Variants in TM9SF1 observed in about 807,000 individuals in gnomAD.
The protein encoded by TM9SF1 is transmembrane 9 superfamily member 1.
Under a neutral mutation model 52.4 loss-of-function variants are expected in TM9SF1, and 25 were observed. The ratio of observed to expected loss-of-function variants is 0.48; its 90% CI spans 0.35 to 0.67. The LOEUF is 0.67. Among genes scored for constraint, TM9SF1 ranks in the 30% least tolerant of loss-of-function variants. The pLI, the probability that TM9SF1 is intolerant of heterozygous loss-of-function variation, is 0.01. For missense variants in TM9SF1, 604 were observed against 780.3 expected, an observed-to-expected ratio of 0.77 and a Z score of 2.69; for synonymous variants, 284 against 299.8, an observed-to-expected ratio of 0.95 and a Z score of 0.55.
rs940955752 is a variant in TM9SF1, at chr14:24,189,179, G to A, written c.*236C>T. The A allele has an allele frequency of 4.2e-6, 2 of 478,678 alleles. No homozygotes were observed. Among genetic ancestry groups the A allele is most frequent in the South Asian group, 4.4e-5 (1 of 22,812 alleles). The allele number at this position is 478,678 out of a possible 1,614,324, so 29.7% of individuals were successfully genotyped here. Reference sequence around the variant, plus strand: ...CTTAATAAATTTTATTTTGGTAATTGTAAAAAGAAAAATCAGGACCAAAAC... The same window carrying A: ...CTTAATAAATTTTATTTTGGTAATTATAAAAAGAAAAATCAGGACCAAAAC... On this transcript the variant is annotated 3_prime_UTR_variant, in exon 6 of 6. Transcript: ENST00000261789.
Position 24,190,432 on chromosome 14 carries a change from A to G in TM9SF1, c.1375T>C (p.Trp459Arg). Residue 459 changes from tryptophan to arginine, a missense_variant, in exon 5 of 6, where the codon TGG becomes CGG. Coordinates refer to ENST00000261789, the MANE Select transcript of TM9SF1 (RefSeq NM_006405.7). ...NIAREIPPQP[W>R]YKSTVIHMTV... ...ATGTGGATGACAGTAGACTTGTACC[A>G]GGGCTGGGGTGGAATCTCCCGGGCG... 1.2e-6 allele frequency: 2 copies of G among 1,612,028 alleles called. No homozygotes were observed. Among genetic ancestry groups the G allele is most frequent in the Non-Finnish European group, 1.7e-6 (2 of 1,178,646 alleles).
chr14:24,195,147 C>T (rs2039378835), intron 1 of TM9SF1, 111 bp from the exon 2 acceptor site: 1 of 675,010 alleles, frequency 1.5e-6, no homozygotes, highest in Non-Finnish European at 2.5e-6. Context: ...GGCCCCCTCC[C>T]CGCCTCACCC....
chr14:24,189,251 G>T lies in TM9SF1; in HGVS notation c.*164C>A. ...AAATATATAATCCTTATGTGATAGA[G>T]ATTTATAATTTCCAGGCCCTCTCTG... On this transcript the variant is annotated 3_prime_UTR_variant, in exon 6 of 6. Transcript: ENST00000261789. The T allele has an allele frequency of 1.4e-6, 1 of 714,346 alleles. No individual in the cohort carries two copies. The highest frequency in any genetic ancestry group is 2.3e-6 in the Non-Finnish European group (1 of 434,230). The allele number at this position is 714,346 out of a possible 1,614,324, so 44.3% of individuals were successfully genotyped here.
At position 24,192,098 on chromosome 14, in the gene TM9SF1, C is replaced by A; in HGVS notation, c.1153+73G>T. On this transcript the variant is annotated intron_variant, in intron 4 of 5. Coordinates refer to ENST00000261789, the MANE Select transcript of TM9SF1 (RefSeq NM_006405.7). The surrounding 1 kb of genome is among the most constrained non-coding windows in gnomAD (Gnocchi z 4.0). The stretch of plus-strand genomic sequence containing the variant: ...AAGTGCTAGGATTACAGGTGTGAGC[C>A]ACTGTGACCAGCCACAATGTGTTCT... 4.1e-6 allele frequency: 6 copies of A among 1,477,842 alleles called. No individual in the cohort carries two copies. Among genetic ancestry groups the A allele is most frequent in the Non-Finnish European group, 5.7e-6 (6 of 1,059,894 alleles). The allele number at this position is 1,477,842 out of a possible 1,614,324, so 91.5% of individuals were successfully genotyped here. A position where few individuals can be genotyped will look rare whatever the true frequency, so the allele number is the denominator to read the frequency against.
chr14:24,190,917 A>G (rs2039314784), intron 4 of TM9SF1, among the ~76,000 whole-genome samples: 1 of 124,278 alleles, frequency 8.0e-6, no homozygotes, highest in Non-Finnish European at 1.6e-5. Context: ...GCTGGAGTGC[A>G]GTGGCGCGAT....
chr14:24,190,878 T>TC (rs1235563993), intron 4 of TM9SF1, among the ~76,000 whole-genome samples: 1 of 101,068 alleles, frequency 9.9e-6, no homozygotes, highest in African/African-American at 3.7e-5. Flanking sequence ...TTTTTTTTTT[T>TC]TGAGACAGAG....
At chr14:24,190,003 A>C in intron 5 of TM9SF1, 195 bp from the exon 6 acceptor site, 1 of 1,388,832 alleles carries the variant, frequency 7.2e-7, no homozygotes, top group Non-Finnish European at 9.3e-7. Context: ...CACTTCAAGA[A>C]TATCTTCCCT....
chr14:24,192,377 G>T lies in TM9SF1; in HGVS notation c.968-21C>A. On this transcript the variant is annotated intron_variant, in intron 3 of 5. Transcript: ENST00000261789. This position sits in a 1 kb window ranked among gnomAD's most constrained non-coding sequence, Gnocchi z 4.0. ...AATGCCTGCAGGACGGTAGCGGAAA[G>T]CCCAAGTTAGGCCTCACCTGTGTCT... 1 of 1,605,632 alleles carries T rather than the reference G, an allele frequency of 6.2e-7. No individual in the cohort carries two copies. Among genetic ancestry groups the T allele is most frequent in the Non-Finnish European group, 8.5e-7 (1 of 1,174,324 alleles).
At position 24,192,929 on chromosome 14, in the gene TM9SF1, G is replaced by C; in HGVS notation, c.686C>G (p.Pro229Arg). ...CAACCAATGGATTTCCAGTGTTCGA[G>C]GAAAGAAACCACCATCGTCACCACG... ...RRRGDDGGFFPRTLEIHWLSI... is the reference protein window; with the variant it reads ...RRRGDDGGFFRRTLEIHWLSI... Residue 229 changes from proline to arginine, a missense_variant, in exon 3 of 6, where the codon CCT becomes CGT. By Grantham distance (103) the Pro-to-Arg change is moderately radical. Coordinates refer to ENST00000261789, the MANE Select transcript of TM9SF1 (RefSeq NM_006405.7). The surrounding 1 kb of genome is among the most constrained non-coding windows in gnomAD (Gnocchi z 4.0). 6.2e-7 allele frequency: 1 copy of C among 1,614,122 alleles called. No homozygotes were observed.
intron 1 of TM9SF1, 25 bp from the exon 2 acceptor site, chr14:24,195,061 T>C (rs190726402): frequency 1.1e-5 from 17 of 1,566,946 alleles, no homozygotes; most frequent in African/African-American, 4.1e-5. Flanking sequence ...CCTGAGGTTA[T>C]AGAAACCAGG....
rs753777088 is a variant in TM9SF1, at chr14:24,190,439, G to C, written c.1368C>G (p.Pro456=). 5 of 1,613,174 alleles carry C rather than the reference G, an allele frequency of 3.1e-6. No individual in the cohort carries two copies. The highest frequency in any genetic ancestry group is 4.2e-6 in the Non-Finnish European group (5 of 1,179,394). Residue 456 remains proline (P), a synonymous_variant, in exon 5 of 6, where the codon CCC becomes CCG. Coordinates refer to ENST00000261789, the MANE Select transcript of TM9SF1 (RefSeq NM_006405.7). Reference sequence around the variant, plus strand: ...TGACAGTAGACTTGTACCAGGGCTGGGGTGGAATCTCCCGGGCGATGTTCT... The same window carrying C: ...TGACAGTAGACTTGTACCAGGGCTGCGGTGGAATCTCCCGGGCGATGTTCT... ...RTKNIAREIP[P]QPWYKSTVIH... is the part of the protein sequence containing the mutation.
intron 4 of TM9SF1, 112 bp from the exon 5 acceptor site, chr14:24,190,765 A>G: frequency 2.2e-6 from 2 of 907,040 alleles, no homozygotes; most frequent in Non-Finnish European, 3.3e-6. Context: ...CTGCCACTCT[A>G]ACGGCAGACT....
rs1159443340 is a variant in TM9SF1 at position 24,192,697 on chromosome 14, C to T, written c.918G>A (p.Leu306=). The change falls in exon 3 of 6, where the codon CTG becomes CTA. Residue 306 remains leucine, a synonymous_variant. Transcript: ENST00000261789. This position sits in a 1 kb window ranked among gnomAD's most constrained non-coding sequence, Gnocchi z 4.0. ...CACCCACGCCAAGCACAGCACAGAG[C>T]AGACCACGGTATGGGGGGAAGCGGA... ...DVFRFPPYRG[L]LCAVLGVGAQ... is the part of the protein sequence containing the mutation. The T allele has an allele frequency of 1.9e-6, 3 of 1,607,478 alleles. No individual in the cohort carries two copies. Among genetic ancestry groups the T allele is most frequent in the South Asian group, 1.1e-5 (1 of 89,668 alleles).
chr14:24,192,658 G>A lies in TM9SF1; in HGVS notation c.957C>T (p.Ala319=). The A allele has an allele frequency of 6.4e-7, 1 of 1,568,884 alleles. No individual in the cohort carries two copies. Among genetic ancestry groups the A allele is most frequent in the Non-Finnish European group, 8.6e-7 (1 of 1,157,086 alleles). Residue 319 remains alanine (A), a synonymous_variant, in exon 3 of 6, where the codon GCC becomes GCT. Coordinates refer to ENST00000261789, the MANE Select transcript of TM9SF1 (RefSeq NM_006405.7). This position sits in a 1 kb window ranked among gnomAD's most constrained non-coding sequence, Gnocchi z 4.0. ...TTTTTATCACCTCACCAGTGCCAAG[G>A]GCCAGGAACTGGGCACCCACGCCAA... ...AVLGVGAQFL[A]LGTGIIVMAL...
In TM9SF1 at chr14:24,190,459, T is replaced by G. The variant is rs201641520; in HGVS notation, c.1348A>C (p.Ile450Leu). 2.5e-6 allele frequency: 4 copies of G among 1,614,004 alleles called. No individual in the cohort carries two copies. Among genetic ancestry groups the G allele is most frequent in the Non-Finnish European group, 2.5e-6 (3 of 1,179,928 alleles). The change falls in exon 5 of 6, where the codon ATC (isoleucine) becomes CTC (leucine). Residue 450 changes from isoleucine (I) to leucine (L), a missense_variant. Ile to Leu is a conservative substitution (Grantham distance 5). Transcript: ENST00000261789. Reference sequence around the variant, plus strand: ...GGCTGGGGTGGAATCTCCCGGGCGATGTTCTTGGTGCGACAGGGTGCATCA... The same window carrying G: ...GGCTGGGGTGGAATCTCCCGGGCGAGGTTCTTGGTGCGACAGGGTGCATCA... ...PFDAPCRTKNIAREIPPQPWY... is the reference protein window; with the variant it reads ...PFDAPCRTKNLAREIPPQPWY...
chr14:24,193,344 C>T (rs1226693578), intron 2 of TM9SF1, 75 bp from the exon 3 acceptor site: 1 of 1,468,368 alleles, frequency 6.8e-7, no homozygotes, highest in Non-Finnish European at 9.2e-7. Flanking sequence ...TTCTCACCTT[C>T]AGCACTACTG....
In TM9SF1 at chr14:24,192,922, T is replaced by C. The variant is rs761007244; in HGVS notation, c.693A>G (p.Thr231=). The change falls in exon 3 of 6, where the codon ACA becomes ACG. Residue 231 remains threonine, a synonymous_variant. Transcript: ENST00000261789. This position sits in a 1 kb window ranked among gnomAD's most constrained non-coding sequence, Gnocchi z 4.0. Reference sequence around the variant, plus strand: ...TGATGGACAACCAATGGATTTCCAGTGTTCGAGGAAAGAAACCACCATCGT... The same window carrying C: ...TGATGGACAACCAATGGATTTCCAGCGTTCGAGGAAAGAAACCACCATCGT... ...RGDDGGFFPR[T]LEIHWLSIIN... The C allele has an allele frequency of 2.5e-6, 4 of 1,613,938 alleles. No individual in the cohort carries two copies. Among genetic ancestry groups the C allele is most frequent in the African/African-American group, 2.7e-5 (2 of 74,876 alleles).
In TM9SF1 at chr14:24,190,424, C is replaced by G; in HGVS notation, c.1383G>C (p.Lys461Asn). Residue 461 changes from lysine (K) to asparagine (N), a missense_variant, in exon 5 of 6, where the codon AAG (lysine) becomes AAC (asparagine). By Grantham distance (94) the Lys-to-Asn change is moderately conservative. This residue lies in a region of TM9SF1 where 450 missense variants were observed against 560.1 expected (regional missense o/e 0.80). Coordinates refer to ENST00000261789, the MANE Select transcript of TM9SF1 (RefSeq NM_006405.7). Reference protein sequence around the residue: ...AREIPPQPWYKSTVIHMTVGG... With the variant: ...AREIPPQPWYNSTVIHMTVGG... ...CAACAGTCATGTGGATGACAGTAGA[C>G]TTGTACCAGGGCTGGGGTGGAATCT... is the stretch of plus-strand genomic sequence containing the variant. 1 of 1,610,490 alleles carries G rather than the reference C, an allele frequency of 6.2e-7. No homozygotes were observed. The highest frequency in any genetic ancestry group is 8.5e-7 in the Non-Finnish European group (1 of 1,177,802).
chr14:24,191,830 G>A, intron 4 of TM9SF1: 1 of 176,464 alleles, frequency 5.7e-6, no homozygotes, highest in Non-Finnish European at 1.2e-5. Context: ...TTTTTTTTGA[G>A]ACAGTCTCAC....
Sources: gnomAD v4.1 joint callset for allele counts (sites outside exome capture counted in the v4.1 genomes callset) on GRCh38, gnomAD v4.1.1 for gene constraint, gnomAD v4.1.1 regional missense constraint, Gnocchi (gnomAD v3.1) non-coding constraint, MANE v1.5 for transcripts, NCBI Gene and HGNC (gene_info 2026-07-23, HGNC 2026-07-21) for gene names.